DNAH11: variants seen among roughly 807,000 people sequenced by gnomAD.
The protein encoded by DNAH11 is dynein axonemal heavy chain 11.
DNAH11 carries 442 observed loss-of-function variants against 526.0 expected under a neutral mutation model. That is an observed-to-expected ratio of 0.84 (90% CI 0.78 to 0.91). The LOEUF (loss-of-function observed/expected upper bound fraction) is 0.91. Among genes scored for constraint, DNAH11 ranks in the 40% least tolerant of loss-of-function variants. The pLI, the probability that DNAH11 is intolerant of heterozygous loss-of-function variation, is 0.00. For missense variants in DNAH11, 6,989 were observed against 5,448.7 expected (o/e 1.28, Z -8.90); for synonymous variants, 2,461 against 1,935.9 (o/e 1.27, Z -7.12).
At chr7:21,753,944 G>A (rs530019661) in intron 54 of DNAH11, among the ~76,000 whole-genome samples, 36 of 152,134 alleles carry the variant, frequency 2.4e-4, no homozygotes, top group South Asian at 1.7e-3. Context: ...GAAGGATTTC[G>A]TAAAGTTTTG....
At chr7:21,867,517 G>A (rs554583402) in intron 71 of DNAH11, among the ~76,000 whole-genome samples, 11 of 152,254 alleles carry the variant, frequency 7.2e-5, no homozygotes, top group Non-Finnish European at 1.0e-4. Flanking sequence ...TTGCACTGTG[G>A]CAAATCTAAT....
rs765432243 is a variant in DNAH11, at chr7:21,750,314, AGG to A, written c.8892_8893del (p.Glu2965LysfsTer30). On this transcript the variant is annotated frameshift_variant, in exon 54 of 82. Transcript: ENST00000409508. LOFTEE classifies it high-confidence loss of function. ...TCATGCTCTGGGCATGGTAGACTCC[AGG>A]GAAAACTGTTGGAAATTCTTTATGG... The part of the protein sequence containing the change: ...EVHALGMVDS[R>X]ENCWKFFMAR... The A allele has an allele frequency of 5.6e-6, 9 of 1,605,868 alleles. No homozygotes were observed. The highest frequency in any genetic ancestry group is 7.7e-6 in the Non-Finnish European group (9 of 1,176,022).
intron 2 of DNAH11, among the ~76,000 whole-genome samples, chr7:21,552,944 C>T (rs972825331): frequency 2.6e-5 from 4 of 152,028 alleles, no homozygotes; most frequent in Non-Finnish European, 5.9e-5. Context: ...TCTGAACGAC[C>T]CATTAGGCTT....
At chr7:21,797,592 T>G (rs1048102049) in intron 61 of DNAH11, among the ~76,000 whole-genome samples, 4 of 152,236 alleles carry the variant, frequency 2.6e-5, no homozygotes, top group South Asian at 2.1e-4. Flanking sequence ...TGTGAGACAC[T>G]AGTGCTCCTT....
chr7:21,874,944 C>T (rs1338339606), intron 74 of DNAH11, among the ~76,000 whole-genome samples: 1 of 152,134 alleles, frequency 6.6e-6, no homozygotes, highest in East Asian at 1.9e-4. Context: ...TTAGAAATAT[C>T]ATTCTCTACG....
Position 21,713,401 on chromosome 7 carries a change from C to T in DNAH11, c.6983+1541C>T, listed in dbSNP as rs546239999. On this transcript the variant is annotated intron_variant, in intron 42 of 81. Transcript: ENST00000409508. ...GGACAGTGAGGTCAGGCTGTTTATT[C>T]TCCTTCCCAACAGGGTCATGTCAGG... is the stretch of plus-strand genomic sequence containing the variant. Among the ~76,000 whole-genome samples the T allele has an allele frequency of 5.9e-5, 9 of 152,224 alleles. No homozygotes were observed. The South Asian group carries it at 1.9e-3, about 32-fold the overall frequency.
At chr7:21,840,148 C>T (rs1479809260) in intron 65 of DNAH11, among the ~76,000 whole-genome samples, 1 of 152,174 alleles carries the variant, frequency 6.6e-6, no homozygotes, top group Non-Finnish European at 1.5e-5. Flanking sequence ...CACTTTATGG[C>T]ATTCTGGATA....
At chr7:21,623,440 T>C (rs1044456180) in intron 25 of DNAH11, among the ~76,000 whole-genome samples, 111 of 152,338 alleles carry the variant, frequency 7.3e-4, no homozygotes, top group Admixed American at 1.2e-3. Context: ...AGAAATACCG[T>C]TTGACCCAGG....
chr7:21,595,227 C>T (rs1240461528), intron 14 of DNAH11, among the ~76,000 whole-genome samples: 1 of 152,212 alleles, frequency 6.6e-6, no homozygotes, highest in Admixed American at 6.5e-5. Context: ...TTCCCCTGGG[C>T]CTGTTTCATA....
intron 80 of DNAH11, 71 bp from the exon 81 acceptor site, chr7:21,899,908 AT>A (rs1174379803): frequency 6.4e-7 from 1 of 1,557,614 alleles, no homozygotes; most frequent in East Asian, 2.3e-5. Flanking sequence ...GGATGCCTCA[AT>A]TTACTGGTAG....
intron 30 of DNAH11, among the ~76,000 whole-genome samples, chr7:21,680,624 T>C (rs1350097609): frequency 6.6e-6 from 1 of 152,234 alleles, no homozygotes; most frequent in Non-Finnish European, 1.5e-5. Context: ...TCTATTCCAT[T>C]CACTTCAATG....
chr7:21,769,483 GGT>G (rs1491143793), intron 55 of DNAH11, among the ~76,000 whole-genome samples: 2 of 94,886 alleles, frequency 2.1e-5, no homozygotes, highest in Non-Finnish European at 2.0e-5. Context: ...TTTATTCTTT[GGT>G]TTTTTTTTTC....
rs776952508 is a variant in DNAH11 at position 21,784,605 on chromosome 7, AT to A, written c.9597+66del. 2,018 of 1,192,876 alleles carry A rather than the reference AT, an allele frequency of 1.7e-3. 7 individuals carry two copies. Among genetic ancestry groups the A allele is most frequent in the Middle Eastern group, 8.4e-3 (42 of 5,008 alleles). 73.9% of individuals were successfully genotyped at this position (1,192,876 alleles called of 1,614,324 possible). A position where few individuals can be genotyped will look rare whatever the true frequency, so the allele number is the denominator to read the frequency against. ...ATATTTAAAGGTTATTAGAGTTTGA[AT>A]AACTGAGCTGAGAGAGTAGCCCATT... On this transcript the variant is annotated intron_variant, in intron 58 of 81. Transcript: ENST00000409508.
At chr7:21,711,965 C>A in intron 42 of DNAH11, 105 bp downstream of exon 42, 1 of 1,300,982 alleles carries the variant, frequency 7.7e-7, no homozygotes, top group South Asian at 1.4e-5. Flanking sequence ...ACAGCTGTCA[C>A]CACCATCCAT....
chr7:21,592,877 G>C (rs1418943884), intron 14 of DNAH11, among the ~76,000 whole-genome samples: 1 of 151,960 alleles, frequency 6.6e-6, no homozygotes, highest in Non-Finnish European at 1.5e-5. Context: ...AGCAGATTTT[G>C]TAGCAGAAAA....
At chr7:21,818,519 TATTTGATGG>T (rs749270973) in intron 65 of DNAH11, among the ~76,000 whole-genome samples, 180 bp downstream of exon 65, 1 of 152,166 alleles carries the variant, frequency 6.6e-6, no homozygotes, top group Non-Finnish European at 1.5e-5. Flanking sequence ...TCAGACTATT[TATTTGATGG>T]ATTTAGATTT....
chr7:21,710,125 T>G (rs1285408792), intron 40 of DNAH11, among the ~76,000 whole-genome samples: 1 of 152,222 alleles, frequency 6.6e-6, no homozygotes, highest in East Asian at 1.9e-4. Context: ...TTCAGAATTA[T>G]GCCCTTGAAA....
intron 54 of DNAH11, among the ~76,000 whole-genome samples, chr7:21,761,916 G>A (rs1395543260): frequency 1.3e-5 from 2 of 152,164 alleles, no homozygotes; most frequent in Non-Finnish European, 2.9e-5. Context: ...AATTTATAAA[G>A]GAAAGAGGTT....
At chr7:21,892,305 C>G (rs1173533462) in intron 76 of DNAH11, 120 bp from the exon 77 acceptor site, 1 of 1,402,886 alleles carries the variant, frequency 7.1e-7, no homozygotes, top group Non-Finnish European at 9.6e-7. Context: ...TTTAGGGAGC[C>G]TGCTACCCAG....
Sources: gnomAD v4.1 joint callset for allele counts (sites outside exome capture counted in the v4.1 genomes callset) on GRCh38, gnomAD v4.1.1 for gene constraint, MANE v1.5 for transcripts, NCBI Gene and HGNC (gene_info 2026-07-23, HGNC 2026-07-21) for gene names.